Variants in ZC3H7B observed in about 807,000 individuals in gnomAD.
ZC3H7B encodes zinc finger CCCH domain-containing protein 7B.
Under a neutral mutation model 116.0 loss-of-function variants are expected in ZC3H7B, and 35 were observed. That is an observed-to-expected ratio of 0.30 (90% CI 0.23 to 0.40). The LOEUF (loss-of-function observed/expected upper bound fraction) is 0.40. ZC3H7B is among the 10% of genes least tolerant of loss of function. ZC3H7B has a pLI of 1.00. For synonymous variants in ZC3H7B, 502 were observed against 545.6 expected (o/e 0.92, Z 1.11); for missense variants, 1,011 against 1,321.5 (o/e 0.77, Z 3.64).
chr22:41,331,625 C>G (rs1905136927), intron 6 of ZC3H7B, among the ~76,000 whole-genome samples: 1 of 149,610 alleles, frequency 6.7e-6, no homozygotes, highest in Non-Finnish European at 1.5e-5. Context: ...AATCGTAGTA[C>G]TTTGGGAGGC....
chr22:41,348,093 C>G lies in ZC3H7B; in HGVS notation c.1692C>G (p.Ile564Met). ...CEICFDSKPR[I>M]ISKGTKDSPS... ...TCTGCTTTGACAGTAAACCCCGGATCATCAGCAAAGGCACCAAGGACTCTC... is the reference window on the plus strand; with the variant it reads ...TCTGCTTTGACAGTAAACCCCGGATGATCAGCAAAGGCACCAAGGACTCTC... The change falls in exon 15 of 23, where the codon ATC becomes ATG. Residue 564 changes from isoleucine to methionine, a missense_variant. By Grantham distance (10) the Ile-to-Met change is conservative. Coordinates refer to ENST00000352645, the MANE Select transcript of ZC3H7B (RefSeq NM_017590.6). 6.2e-7 allele frequency: 1 copy of G among 1,614,006 alleles called. No individual in the cohort carries two copies. The highest frequency in any genetic ancestry group is 8.5e-7 in the Non-Finnish European group (1 of 1,179,956).
chr22:41,337,511 G>A (rs1020853466), intron 7 of ZC3H7B, among the ~76,000 whole-genome samples: 1 of 152,210 alleles, frequency 6.6e-6, no homozygotes, highest in African/African-American at 2.4e-5. Context: ...CTTTCCTCCA[G>A]CAGGAAGGCA....
At chr22:41,348,466 TAGCTTACTC>T (rs1188246571) in intron 15 of ZC3H7B, among the ~76,000 whole-genome samples, 5 of 152,312 alleles carry the variant, frequency 3.3e-5, no homozygotes, top group South Asian at 2.1e-4. Flanking sequence ...GTAGCTTACT[TAGCTTACTC>T]AGCTTACTCA....
rs758923099 is a variant in ZC3H7B, at chr22:41,356,028, G to A, written c.2349G>A (p.Glu783=). 2 of 1,568,770 alleles carry A rather than the reference G, an allele frequency of 1.3e-6. No homozygotes were observed. The highest frequency in any genetic ancestry group is 4.5e-5 in the East Asian group (2 of 44,564). The part of the protein sequence containing the change: ...GNCSFAHSPE[E]RDMWTFMKEN... ...GCTCCTTCGCACACAGCCCGGAGGA[G>A]AGGGACATGTGGACCTTCATGAAGG... Residue 783 remains glutamate (E), a synonymous_variant, in exon 20 of 23, where the codon GAG becomes GAA. Coordinates refer to ENST00000352645, the MANE Select transcript of ZC3H7B (RefSeq NM_017590.6).
At position 41,338,249 on chromosome 22, in the gene ZC3H7B, T is replaced by TGGTGCTGGGTGCTGGGATCGGGGCC. The variant is rs568772316; in HGVS notation, c.583-63_583-39dup. 1,961 of 1,555,710 alleles carry TGGTGCTGGGTGCTGGGATCGGGGCC rather than the reference T, an allele frequency of 1.3e-3. 20 individuals carry two copies. The African/African-American group carries it at 0.024, about 19-fold the overall frequency. On this transcript the variant is annotated intron_variant, in intron 7 of 22. Transcript: ENST00000352645. The surrounding 1 kb of genome is among the most constrained non-coding windows in gnomAD (Gnocchi z 4.5). The stretch of plus-strand genomic sequence containing the variant: ...ACAGCATAGTCACGTGGGGAGGGGC[T>TGGTGCTGGGTGCTGGGATCGGGGCC]GGTGCTGGGTGCTGGGATCGGGGCC...
Position 41,343,484 on chromosome 22 carries a change from G to C in ZC3H7B, c.1367G>C (p.Gly456Ala). ...EHKCKRDILL[G>A]RLRSSEDQTW... ...AAGTGCAAGCGGGACATCCTGCTCG[G>C]CCGGCTCCGGAGCTCGGAGGACCAG... is the stretch of plus-strand genomic sequence containing the variant. The change falls in exon 13 of 23, where the codon GGC (glycine) becomes GCC (alanine). Residue 456 changes from glycine to alanine, a missense_variant. This residue lies in a region of ZC3H7B where 179 missense variants were observed against 178.5 expected (regional missense o/e 1.00). Transcript: ENST00000352645. 1 of 1,613,842 alleles carries C rather than the reference G, an allele frequency of 6.2e-7. No individual in the cohort carries two copies. The highest frequency in any genetic ancestry group is 8.5e-7 in the Non-Finnish European group (1 of 1,179,896).
chr22:41,329,224 G>C, intron 5 of ZC3H7B, among the ~76,000 whole-genome samples: 1 of 142,942 alleles, frequency 7.0e-6, no homozygotes, highest in East Asian at 2.2e-4. Flanking sequence ...AAAAGAAAGA[G>C]ACAATCCCCA....
intron 2 of ZC3H7B, among the ~76,000 whole-genome samples, chr22:41,323,028 T>C (rs1295333504): frequency 6.6e-6 from 1 of 152,220 alleles, no homozygotes; most frequent in Non-Finnish European, 1.5e-5. Flanking sequence ...AGTGTTCATA[T>C]TGACACAACA....
chr22:41,321,466 C>T (rs1211039719), intron 2 of ZC3H7B, among the ~76,000 whole-genome samples: 2 of 152,084 alleles, frequency 1.3e-5, no homozygotes, highest in Non-Finnish European at 2.9e-5. Flanking sequence ...CCACCCACCT[C>T]GGCCTCCCAA....
At chr22:41,353,526 C>A (rs912135396) in intron 17 of ZC3H7B, among the ~76,000 whole-genome samples, 4 of 152,224 alleles carry the variant, frequency 2.6e-5, no homozygotes, top group Non-Finnish European at 5.9e-5. Context: ...CCCTCGGGCT[C>A]AGAGGGGTGG....
intron 6 of ZC3H7B, among the ~76,000 whole-genome samples, chr22:41,331,254 A>T (rs1204587683): frequency 1.4e-5 from 2 of 147,868 alleles, no homozygotes; most frequent in Non-Finnish European, 3.0e-5. Flanking sequence ...TCTCAAAAAA[A>T]ATAAATAAAT....
At chr22:41,310,129 C>T (rs567218811) in intron 1 of ZC3H7B, among the ~76,000 whole-genome samples, 10 of 152,234 alleles carry the variant, frequency 6.6e-5, no homozygotes, top group South Asian at 2.1e-4. Context: ...GGTGTGAACC[C>T]GGGAGGCGGA....
intron 4 of ZC3H7B, among the ~76,000 whole-genome samples, chr22:41,326,715 T>C (rs1322651381): frequency 6.6e-6 from 1 of 152,236 alleles, no homozygotes; most frequent in East Asian, 1.9e-4. Flanking sequence ...GAGGCTCTGC[T>C]GCAGGCTCTC....
At chr22:41,308,342 G>A (rs1417949765) in intron 1 of ZC3H7B, among the ~76,000 whole-genome samples, 4 of 152,070 alleles carry the variant, frequency 2.6e-5, no homozygotes, top group East Asian at 1.9e-4. Context: ...GCTGAGGAAC[G>A]CAGGGCAGGG....
In ZC3H7B at chr22:41,338,008, C is replaced by T. The variant is rs1246203527; in HGVS notation, c.583-305C>T. Among the ~76,000 whole-genome samples the T allele has an allele frequency of 6.6e-6, 1 of 152,068 alleles. No homozygotes were observed. The highest frequency in any genetic ancestry group is 1.9e-4 in the East Asian group (1 of 5,178). Reference sequence around the variant, plus strand: ...TCAGCCTCCCAAGTAGCTGGGGTTACAGGCTCCTGCCACCATGCCCGACTA... The same window carrying T: ...TCAGCCTCCCAAGTAGCTGGGGTTATAGGCTCCTGCCACCATGCCCGACTA... On this transcript the variant is annotated intron_variant, in intron 7 of 22. Transcript: ENST00000352645. This position sits in a 1 kb window ranked among gnomAD's most constrained non-coding sequence, Gnocchi z 4.5.
At chr22:41,345,247 T>C (rs1308217798) in intron 13 of ZC3H7B, among the ~76,000 whole-genome samples, 2 of 152,214 alleles carry the variant, frequency 1.3e-5, no homozygotes, top group Non-Finnish European at 2.9e-5. Context: ...AATTACATGC[T>C]CTTAACCATG....
chr22:41,318,748 A>T (rs980657993), intron 1 of ZC3H7B, among the ~76,000 whole-genome samples: 19 of 151,858 alleles, frequency 1.3e-4, no homozygotes, highest in African/African-American at 4.6e-4. Context: ...AAATGAAAAT[A>T]CCTCTACATG....
In ZC3H7B at chr22:41,357,383, C is replaced by A. The variant is rs1208007262; in HGVS notation, c.2888C>A (p.Thr963Asn). 2 of 1,613,206 alleles carry A rather than the reference C, an allele frequency of 1.2e-6. No homozygotes were observed. Among genetic ancestry groups the A allele is most frequent in the Non-Finnish European group, 1.7e-6 (2 of 1,179,942 alleles). Reference sequence around the variant, plus strand: ...GAGGACGGGGACCTTGCCGGTGCCACCCCAGAAGCCCCTGCTGCTGCTGCC... The same window carrying A: ...GAGGACGGGGACCTTGCCGGTGCCAACCCAGAAGCCCCTGCTGCTGCTGCC... ...LQEDGDLAGA[T>N]PEAPAAAATA... Residue 963 changes from threonine to asparagine, a missense_variant, in exon 23 of 23, where the codon ACC becomes AAC. Thr to Asn is a moderately conservative substitution (Grantham distance 65). Transcript: ENST00000352645. The surrounding 1 kb of genome is among the most constrained non-coding windows in gnomAD (Gnocchi z 5.4).
chr22:41,349,553 C>T lies in ZC3H7B; in HGVS notation c.1948+252C>T, dbSNP rs751341733. Among the ~76,000 whole-genome samples the T allele has an allele frequency of 6.6e-6, 1 of 152,084 alleles. No individual in the cohort carries two copies. Among genetic ancestry groups the T allele is most frequent in the Non-Finnish European group, 1.5e-5 (1 of 67,996 alleles). On this transcript the variant is annotated intron_variant, in intron 16 of 22. Coordinates refer to ENST00000352645, the MANE Select transcript of ZC3H7B (RefSeq NM_017590.6). This position sits in a 1 kb window ranked among gnomAD's most constrained non-coding sequence, Gnocchi z 4.9. ...TCTGGGTTTTTCCCTTCGTAGGCAC[C>T]GTCCAGGGAGCACGGAGAGGGGAGA... is the stretch of plus-strand genomic sequence containing the variant.
Sources: gnomAD v4.1 joint callset for allele counts (sites outside exome capture counted in the v4.1 genomes callset) on GRCh38, gnomAD v4.1.1 for gene constraint, gnomAD v4.1.1 regional missense constraint, Gnocchi (gnomAD v3.1) non-coding constraint, MANE v1.5 for transcripts, NCBI Gene and HGNC (gene_info 2026-07-23, HGNC 2026-07-21) for gene names.